Variants in CCDC91 observed in about 807,000 individuals in gnomAD.
CCDC91 encodes the protein coiled-coil domain containing 91, also known as coiled-coil domain-containing protein 91.
In CCDC91, 48 loss-of-function variants were observed where a neutral mutation model predicts 63.2. That is an observed-to-expected ratio of 0.76 (90% CI 0.60 to 0.97). The LOEUF is 0.97. Ranked by LOEUF, CCDC91 falls within the 50% of genes least tolerant of loss-of-function variation. The pLI, the probability that CCDC91 is intolerant of heterozygous loss-of-function variation, is 0.00. For synonymous variants in CCDC91, 167 were observed against 165.8 expected, an observed-to-expected ratio of 1.01 and a Z score of -0.06; for missense variants, 500 against 494.6, an observed-to-expected ratio of 1.01 and a Z score of -0.10.
chr12:28,344,428 C>T (rs1418473448), intron 6 of CCDC91, among the ~76,000 whole-genome samples: 3 of 151,954 alleles, frequency 2.0e-5, no homozygotes, highest in East Asian at 1.9e-4. Flanking sequence ...AGCAATGGGC[C>T]TTCTTTCCAT....
At chr12:28,521,231 G>A (rs961833126) in intron 12 of CCDC91, among the ~76,000 whole-genome samples, 6 of 152,016 alleles carry the variant, frequency 3.9e-5, no homozygotes, top group Non-Finnish European at 7.4e-5. Flanking sequence ...ATTTGTTTGT[G>A]TCCTCTTTCA....
At chr12:28,466,293 T>A (rs1448963719) in intron 11 of CCDC91, among the ~76,000 whole-genome samples, 1 of 152,192 alleles carries the variant, frequency 6.6e-6, no homozygotes, top group Non-Finnish European at 1.5e-5. Context: ...ATAGAAAGTT[T>A]ATTCAAAGGT....
intron 11 of CCDC91, among the ~76,000 whole-genome samples, chr12:28,463,519 T>C (rs1950406985): frequency 1.3e-5 from 2 of 152,184 alleles, no homozygotes; most frequent in South Asian, 4.1e-4. Flanking sequence ...TAGAAGTTGC[T>C]GGAATACTTG....
At chr12:28,438,572 A>G (rs1191352566) in intron 8 of CCDC91, among the ~76,000 whole-genome samples, 2 of 152,098 alleles carry the variant, frequency 1.3e-5, no homozygotes, top group African/African-American at 2.4e-5. Flanking sequence ...ATTATCTTAT[A>G]TACATGCATT....
chr12:28,547,619 G>T (rs1222590823), intron 12 of CCDC91, among the ~76,000 whole-genome samples: 1 of 152,018 alleles, frequency 6.6e-6, no homozygotes, highest in Non-Finnish European at 1.5e-5. Context: ...GTATCATCCA[G>T]TAGAGGAAGA....
chr12:28,362,399 G>A, intron 6 of CCDC91, 39 bp from the exon 7 acceptor site: 1 of 1,407,956 alleles, frequency 7.1e-7, no homozygotes, highest in Non-Finnish European at 9.7e-7. Flanking sequence ...AAACAAAACA[G>A]AAGAAAAACT....
intron 3 of CCDC91, among the ~76,000 whole-genome samples, chr12:28,282,657 C>T (rs991685429): frequency 1.3e-5 from 2 of 152,038 alleles, no homozygotes; most frequent in Non-Finnish European, 2.9e-5. Context: ...AATGGTAGCT[C>T]TACTCTTAGT....
chr12:28,431,928 T>G (rs1948649128), intron 8 of CCDC91, among the ~76,000 whole-genome samples: 2 of 152,114 alleles, frequency 1.3e-5, no homozygotes, highest in Admixed American at 1.3e-4. Context: ...CTGATCTTTT[T>G]ACTGTCTCTA....
chr12:28,199,488 A>C (rs1339710454), intron 1 of CCDC91, among the ~76,000 whole-genome samples: 2 of 152,090 alleles, frequency 1.3e-5, no homozygotes, highest in African/African-American at 2.4e-5. Context: ...ACAACCAAAC[A>C]TACATTTATA....
chr12:28,378,294 A>G (rs546650999), intron 7 of CCDC91, among the ~76,000 whole-genome samples: 2 of 152,240 alleles, frequency 1.3e-5, no homozygotes, highest in East Asian at 3.9e-4. Flanking sequence ...TTAGCAATGT[A>G]AAATATGTCA....
intron 6 of CCDC91, among the ~76,000 whole-genome samples, chr12:28,316,697 CTTAAACTTT>C (rs2137304289): frequency 6.7e-6 from 1 of 149,834 alleles, no homozygotes; most frequent in African/African-American, 2.4e-5. Flanking sequence ...AATTGGTTCT[CTTAAACTTT>C]TTAAATGAGT....
intron 3 of CCDC91, among the ~76,000 whole-genome samples, chr12:28,287,448 C>T (rs1948983975): frequency 6.6e-6 from 1 of 152,136 alleles, no homozygotes; most frequent in Admixed American, 6.6e-5. Flanking sequence ...TATCCCAGCA[C>T]TATTTATTGA....
chr12:28,367,662 G>C (rs1838980261), intron 7 of CCDC91, among the ~76,000 whole-genome samples: 2 of 152,090 alleles, frequency 1.3e-5, no homozygotes, highest in Admixed American at 1.3e-4. Context: ...ATATGATAAA[G>C]ACAAAAACAA....
At chr12:28,330,462 T>G (rs1483964938) in intron 6 of CCDC91, among the ~76,000 whole-genome samples, 1 of 151,636 alleles carries the variant, frequency 6.6e-6, no homozygotes, top group Non-Finnish European at 1.5e-5. Context: ...TTGATGGGGT[T>G]GTTTTTTTTT....
chr12:28,474,830 G>A (rs529246292), intron 11 of CCDC91, among the ~76,000 whole-genome samples: 2 of 151,782 alleles, frequency 1.3e-5, no homozygotes, highest in African/African-American at 4.8e-5. Flanking sequence ...TCTCTCAGAC[G>A]ACAGTGCAAT....
intron 3 of CCDC91, among the ~76,000 whole-genome samples, chr12:28,273,271 G>C (rs543756563): frequency 1.3e-5 from 2 of 152,076 alleles, no homozygotes; most frequent in Non-Finnish European, 2.9e-5. Flanking sequence ...CCAAGTCTTT[G>C]CTATTGTGAA....
chr12:28,411,481 C>CT (rs1947313481), intron 8 of CCDC91, among the ~76,000 whole-genome samples: 3 of 152,116 alleles, frequency 2.0e-5, no homozygotes, highest in Admixed American at 2.0e-4. Context: ...TGCTCCAGAT[C>CT]TATTATGTTT....
At chr12:28,498,591 A>G (rs1315619366) in intron 12 of CCDC91, among the ~76,000 whole-genome samples, 1 of 151,722 alleles carries the variant, frequency 6.6e-6, no homozygotes, top group Non-Finnish European at 1.5e-5. Context: ...GTGAGGAAAA[A>G]GAATGGCTAA....
intron 12 of CCDC91, among the ~76,000 whole-genome samples, chr12:28,492,151 T>C (rs1237032516): frequency 1.3e-5 from 2 of 151,728 alleles, no homozygotes; most frequent in Admixed American, 1.3e-4. Flanking sequence ...TTACACAGCA[T>C]GCATCTGTGT....
Sources: allele counts gnomAD v4.1 joint callset (sites outside exome capture counted in the v4.1 genomes callset), GRCh38; gene constraint gnomAD v4.1.1; transcripts MANE v1.5; gene names NCBI Gene and HGNC (gene_info 2026-07-23, HGNC 2026-07-21).